The following RAD54B variants were observed in gnomAD, a reference collection of about 807,000 sequenced individuals.
RAD54B encodes the protein RAD54 homolog B.
In RAD54B, 78 loss-of-function variants were observed where a neutral mutation model predicts 95.8. The ratio of observed to expected loss-of-function variants is 0.81; its 90% confidence interval spans 0.68 to 0.98. The LOEUF is 0.98. Ranked by LOEUF, RAD54B falls within the 50% of genes least tolerant of loss-of-function variation. The probability of loss-of-function intolerance (pLI) is 0.00; values close to 1 mark genes in which losing one functional copy is unlikely to be tolerated. For synonymous variants in RAD54B, 328 were observed against 354.9 expected, an observed-to-expected ratio of 0.92 and a Z score of 0.85; for missense variants, 957 against 1,056.6, an observed-to-expected ratio of 0.91 and a Z score of 1.31.
chr8:94,427,706 CACAAATCAGT>C (rs1336267022), intron 3 of RAD54B: 9 of 983,058 alleles, frequency 9.2e-6, no homozygotes, highest in African/African-American at 1.8e-5. Flanking sequence ...AAAAAAAGTA[CACAAATCAGT>C]ACAAAGTAGT....
intron 2 of RAD54B, among the ~76,000 whole-genome samples, chr8:94,459,822 T>C (rs1455064336): frequency 6.7e-6 from 1 of 149,354 alleles, no homozygotes; most frequent in African/African-American, 2.5e-5. Flanking sequence ...AATGCACCAG[T>C]GTACTCCAGC....
chr8:94,387,290 A>G lies in RAD54B; in HGVS notation c.1810-131T>C, dbSNP rs568459830. 113 of 704,030 alleles carry G rather than the reference A, an allele frequency of 1.6e-4. No homozygotes were observed. In the African/African-American group the frequency reaches 1.8e-3, roughly 11 times the overall value. 43.6% of individuals were successfully genotyped at this position (704,030 alleles called of 1,614,324 possible). A position where few individuals can be genotyped will look rare whatever the true frequency, so the allele number is the denominator to read the frequency against. On this transcript the variant is annotated intron_variant, in intron 10 of 14. Transcript: ENST00000336148. Reference sequence around the variant, plus strand: ...TGAAAAGTCCAAGAAACTGTTAGGTAAATCTTTATAGGTCATGATTTGATC... The same window carrying G: ...TGAAAAGTCCAAGAAACTGTTAGGTGAATCTTTATAGGTCATGATTTGATC...
rs570296851 is a variant in RAD54B, at chr8:94,421,586, T to C, written c.305-10271A>G. On this transcript the variant is annotated intron_variant, in intron 3 of 14. Coordinates refer to ENST00000336148, the MANE Select transcript of RAD54B (RefSeq NM_012415.3). ...TCTCATAAACATCTCAAACTCATCA[T>C]GTCCATGTATCTTTTCTCCAAAAAT... Among the ~76,000 whole-genome samples the C allele has an allele frequency of 2.2e-4, 33 of 152,200 alleles. 1 individual carries two copies. Among genetic ancestry groups the C allele is most frequent in the Non-Finnish European group, 1.9e-4 (13 of 68,046 alleles).
chr8:94,470,770 G>GAA (rs56341651), intron 1 of RAD54B, among the ~76,000 whole-genome samples: 304 of 143,616 alleles, frequency 2.1e-3, no homozygotes, highest in African/African-American at 7.1e-3. Flanking sequence ...AGAAAACAAA[G>GAA]AAAAAAAAAA....
chr8:94,422,653 T>TATAA (rs1252343000), intron 3 of RAD54B, among the ~76,000 whole-genome samples: 1 of 86,226 alleles, frequency 1.2e-5, no homozygotes, highest in Non-Finnish European at 2.3e-5. Flanking sequence ...TATATATATA[T>TATAA]AAAATTATCA....
At position 94,372,180 on chromosome 8, in the gene RAD54B, G is replaced by A. The variant is rs1324608760; in HGVS notation, c.2723C>T (p.Thr908Ile). The A allele has an allele frequency of 6.2e-7, 1 of 1,604,154 alleles. No homozygotes were observed. Among genetic ancestry groups the A allele is most frequent in the South Asian group, 1.1e-5 (1 of 88,850 alleles). The change falls in exon 15 of 15, where the codon ACT becomes ATT. Residue 908 changes from threonine (T) to isoleucine (I), a missense_variant. Coordinates refer to ENST00000336148, the MANE Select transcript of RAD54B (RefSeq NM_012415.3). ...FIFQNITTQATGT is the reference protein window; with the variant it reads ...FIFQNITTQAIGT ...AGAAGTAATCTTTCACTATGTGCCA[G>A]TAGCTTGAGTGGTTATATTCTGAAA...
chr8:94,432,146 T>C (rs1384462227), intron 3 of RAD54B: 9 of 1,548,640 alleles, frequency 5.8e-6, no homozygotes, highest in Non-Finnish European at 7.9e-6. Context: ...GACTGTTATA[T>C]TCAGGTAGAT....
intron 3 of RAD54B, among the ~76,000 whole-genome samples, chr8:94,415,823 A>G (rs1342460351): frequency 6.7e-6 from 1 of 150,268 alleles, no homozygotes; most frequent in Admixed American, 6.7e-5. Flanking sequence ...AGGAGATACC[A>G]TCTCACACCA....
intron 2 of RAD54B, among the ~76,000 whole-genome samples, chr8:94,464,153 T>C (rs1051684154): frequency 6.6e-6 from 1 of 152,130 alleles, no homozygotes; most frequent in African/African-American, 2.4e-5. Context: ...TGTATTGTTA[T>C]GTGGTAAAAA....
At chr8:94,405,744 T>C (rs2130023969) in intron 5 of RAD54B, among the ~76,000 whole-genome samples, 1 of 152,214 alleles carries the variant, frequency 6.6e-6, no homozygotes, top group South Asian at 2.1e-4. Context: ...AAAAATCACA[T>C]ACTGCCCAAG....
intron 3 of RAD54B, chr8:94,427,637 T>C (rs1811975460): frequency 2.5e-6 from 2 of 796,730 alleles, no homozygotes; most frequent in African/African-American, 3.8e-5. Context: ...GTATTTCAAT[T>C]ATACCTCATC....
intron 3 of RAD54B, among the ~76,000 whole-genome samples, chr8:94,448,308 CA>C (rs1328650599): frequency 6.6e-6 from 1 of 152,002 alleles, no homozygotes; most frequent in African/African-American, 2.4e-5. Flanking sequence ...ACTCCCCCAC[CA>C]AAAAGAAACA....
intron 10 of RAD54B, among the ~76,000 whole-genome samples, chr8:94,388,509 C>T (rs1810944609): frequency 6.6e-6 from 1 of 152,152 alleles, no homozygotes; most frequent in Non-Finnish European, 1.5e-5. Flanking sequence ...AAGGGATTTT[C>T]AACAGCACAC....
Position 94,424,831 on chromosome 8 carries a change from G to A in RAD54B, c.305-13516C>T, listed in dbSNP as rs147058537. ...AATCCCAGCACTTTGCGGGGCCAAGGTGAGAGAATCACTCAAGCCCAGGAG... is the reference window on the plus strand; with the variant it reads ...AATCCCAGCACTTTGCGGGGCCAAGATGAGAGAATCACTCAAGCCCAGGAG... On this transcript the variant is annotated intron_variant, in intron 3 of 14. Coordinates refer to ENST00000336148, the MANE Select transcript of RAD54B (RefSeq NM_012415.3). 1.4e-4 allele frequency among the ~76,000 whole-genome samples: 22 copies of A among 152,208 alleles called. No individual in the cohort carries two copies. In the East Asian group the frequency reaches 4.2e-3, roughly 29 times the overall value.
intron 14 of RAD54B, among the ~76,000 whole-genome samples, chr8:94,377,156 C>A (rs1313646927): frequency 6.6e-6 from 1 of 151,930 alleles, no homozygotes; most frequent in African/African-American, 2.4e-5. Flanking sequence ...AAATATGACC[C>A]CATTATGAAT....
intron 3 of RAD54B, among the ~76,000 whole-genome samples, chr8:94,419,683 A>G (rs943918158): frequency 2.0e-5 from 3 of 151,358 alleles, no homozygotes; most frequent in Non-Finnish European, 4.4e-5. Context: ...GGCTGTTACA[A>G]TATTTTAAAT....
chr8:94,446,350 A>T (rs1240334080), intron 3 of RAD54B, among the ~76,000 whole-genome samples: 1 of 152,206 alleles, frequency 6.6e-6, no homozygotes, highest in African/African-American at 2.4e-5. Flanking sequence ...GTTCTCTGGC[A>T]AACAGAGCCT....
chr8:94,418,938 T>C (rs545226552), intron 3 of RAD54B, among the ~76,000 whole-genome samples: 1 of 152,328 alleles, frequency 6.6e-6, no homozygotes, highest in African/African-American at 2.4e-5. Flanking sequence ...TGATATCTCC[T>C]TAATGCTGCA....
intron 3 of RAD54B, chr8:94,430,480 C>T (rs758715140): frequency 1.2e-5 from 12 of 972,520 alleles, no homozygotes; most frequent in African/African-American, 1.8e-5. Context: ...GGTTCTCAAA[C>T]TTTAGCATGC....
Sources: gnomAD v4.1 joint callset for allele counts (sites outside exome capture counted in the v4.1 genomes callset) on GRCh38, gnomAD v4.1.1 for gene constraint, MANE v1.5 for transcripts, NCBI Gene and HGNC (gene_info 2026-07-23, HGNC 2026-07-21) for gene names.